MYO1D: variants seen among roughly 807,000 people sequenced by gnomAD.
MYO1D encodes myosin ID, also known as unconventional myosin-Id.
MYO1D carries 83 observed loss-of-function variants against 122.0 expected under a neutral mutation model. That is an observed-to-expected ratio of 0.68 (90% CI 0.57 to 0.82). MYO1D has a LOEUF of 0.82. Ranked by LOEUF, MYO1D falls within the 40% of genes least tolerant of loss-of-function variation. The pLI, the probability that MYO1D is intolerant of heterozygous loss-of-function variation, is 0.00. For missense variants in MYO1D, 1,157 were observed against 1,269.5 expected, an observed-to-expected ratio of 0.91 and a Z score of 1.35; for synonymous variants, 464 against 446.9, an observed-to-expected ratio of 1.04 and a Z score of -0.48.
chr17:32,693,414 A>C (rs1234595201), intron 16 of MYO1D, among the ~76,000 whole-genome samples: 2 of 152,140 alleles, frequency 1.3e-5, no homozygotes, highest in Non-Finnish European at 2.9e-5. Flanking sequence ...GTGAGGGAGA[A>C]ACCAATGCAA....
chr17:32,864,548 G>GAAAAAAAAAAAAAAA (rs200717040), intron 1 of MYO1D, among the ~76,000 whole-genome samples: 1 of 73,028 alleles, frequency 1.4e-5, no homozygotes, highest in Admixed American at 1.9e-4. Flanking sequence ...TTCTACGAAT[G>GAAAAAAAAAAAAAAA]AAAAAAAAAA....
At chr17:32,804,326 C>G (rs2090489308) in intron 1 of MYO1D, among the ~76,000 whole-genome samples, 1 of 152,178 alleles carries the variant, frequency 6.6e-6, no homozygotes, top group Non-Finnish European at 1.5e-5. Flanking sequence ...TCCACAGATG[C>G]AGGACACATA....
intron 7 of MYO1D, among the ~76,000 whole-genome samples, chr17:32,766,429 T>C (rs1020794876): frequency 7.2e-5 from 11 of 152,290 alleles, no homozygotes; most frequent in Admixed American, 5.9e-4. Flanking sequence ...TACCCTACCC[T>C]ATACGACACT....
At chr17:32,848,865 C>T (rs2090960770) in intron 1 of MYO1D, among the ~76,000 whole-genome samples, 1 of 152,164 alleles carries the variant, frequency 6.6e-6, no homozygotes. Context: ...GAATAAGCCA[C>T]ATTGTAATAA....
chr17:32,702,577 G>A (rs1359103775), intron 16 of MYO1D, among the ~76,000 whole-genome samples: 38 of 150,196 alleles, frequency 2.5e-4, no homozygotes, highest in Admixed American at 1.7e-3. Flanking sequence ...GTCCCTCCTC[G>A]CCCCCCAGTG....
chr17:32,583,986 G>A (rs2087364578), intron 21 of MYO1D, among the ~76,000 whole-genome samples: 1 of 151,892 alleles, frequency 6.6e-6, no homozygotes. Flanking sequence ...GTTGTTACTG[G>A]TGATTTCTAA....
chr17:32,647,613 G>T (rs1444004410), intron 19 of MYO1D, among the ~76,000 whole-genome samples: 1 of 151,628 alleles, frequency 6.6e-6, no homozygotes, highest in Non-Finnish European at 1.5e-5. Context: ...AAGTGTACTA[G>T]ATAGTGAATA....
At chr17:32,640,590 C>T (rs868539430) in intron 19 of MYO1D, among the ~76,000 whole-genome samples, 1 of 147,168 alleles carries the variant, frequency 6.8e-6, no homozygotes, top group Middle Eastern at 3.4e-3. Context: ...GTTTTTTGTT[C>T]TTGCGATAGT....
intron 1 of MYO1D, among the ~76,000 whole-genome samples, chr17:32,828,985 C>T (rs913994825): frequency 3.3e-5 from 5 of 152,166 alleles, no homozygotes; most frequent in African/African-American, 1.2e-4. Context: ...GACTCCAATG[C>T]TCAGGACTTA....
At chr17:32,572,075 T>A (rs1385825839) in intron 21 of MYO1D, among the ~76,000 whole-genome samples, 3 of 152,152 alleles carry the variant, frequency 2.0e-5, no homozygotes, top group Admixed American at 6.5e-5. Context: ...CTCCTCCTCA[T>A]CTGTAATTTC....
At chr17:32,638,164 T>C (rs941038950) in intron 20 of MYO1D, among the ~76,000 whole-genome samples, 3 of 152,178 alleles carry the variant, frequency 2.0e-5, no homozygotes, top group African/African-American at 4.8e-5. Flanking sequence ...CAAACTCATA[T>C]TGCGATTCAA....
At chr17:32,772,894 A>C in intron 4 of MYO1D, 52 bp from the exon 5 acceptor site, 1 of 1,453,908 alleles carries the variant, frequency 6.9e-7, no homozygotes, top group Non-Finnish European at 9.7e-7. Context: ...CCCTAAAATA[A>C]AACAGGAGCC....
chr17:32,504,114 C>T (rs1909414283), intron 21 of MYO1D, among the ~76,000 whole-genome samples: 1 of 152,204 alleles, frequency 6.6e-6, no homozygotes, highest in South Asian at 2.1e-4. Flanking sequence ...TTGTCATGAA[C>T]CAACTGGGTC....
At chr17:32,778,926 C>G (rs1055088542) in intron 2 of MYO1D, among the ~76,000 whole-genome samples, 1 of 152,086 alleles carries the variant, frequency 6.6e-6, no homozygotes, top group Non-Finnish European at 1.5e-5. Flanking sequence ...GGTAGTGAGT[C>G]AAACAGTGGT....
intron 21 of MYO1D, among the ~76,000 whole-genome samples, chr17:32,564,047 G>T (rs377458339): frequency 2.0e-5 from 3 of 152,258 alleles, no homozygotes; most frequent in Non-Finnish European, 4.4e-5. Context: ...AAGCCACTTT[G>T]CTGCCTCCAG....
At chr17:32,833,163 G>A (rs528256979) in intron 1 of MYO1D, among the ~76,000 whole-genome samples, 1 of 152,184 alleles carries the variant, frequency 6.6e-6, no homozygotes, top group East Asian at 1.9e-4. Context: ...CTGAGCCCCT[G>A]ATAGTGTCCC....
At chr17:32,737,659 T>G (rs982695735) in intron 14 of MYO1D, among the ~76,000 whole-genome samples, 16 of 152,226 alleles carry the variant, frequency 1.1e-4, no homozygotes, top group African/African-American at 3.6e-4. Context: ...TTTTAACTTT[T>G]TGCAGAAAGG....
intron 14 of MYO1D, among the ~76,000 whole-genome samples, chr17:32,725,892 T>A (rs1474178361): frequency 2.6e-5 from 4 of 152,158 alleles, no homozygotes; most frequent in African/African-American, 9.7e-5. Context: ...AGAGACAGAC[T>A]GACAGCTAAC....
rs534646649 is a variant in MYO1D at position 32,663,593 on chromosome 17, C to G, written c.2122-4255G>C. Among the ~76,000 whole-genome samples, 10 of 152,256 alleles carry G rather than the reference C, an allele frequency of 6.6e-5. No homozygotes were observed. The South Asian group carries it at 2.1e-3, about 32-fold the overall frequency. The stretch of plus-strand genomic sequence containing the variant: ...TGTCTAGTGGAGCTTTTCCTTGGTT[C>G]GGCTGTAATAATCATTGCTTGCAGA... On this transcript the variant is annotated intron_variant, in intron 16 of 21. Transcript: ENST00000318217.
Sources: allele counts gnomAD v4.1 joint callset (sites outside exome capture counted in the v4.1 genomes callset), GRCh38; gene constraint gnomAD v4.1.1; transcripts MANE v1.5; gene names NCBI Gene and HGNC (gene_info 2026-07-23, HGNC 2026-07-21).